The following PARD3B variants were observed in gnomAD, a reference collection of about 807,000 sequenced individuals.
PARD3B encodes partitioning defective 3 homolog B.
Under a neutral mutation model 130.2 loss-of-function variants are expected in PARD3B, and 103 were observed. The ratio of observed to expected loss-of-function variants is 0.79; its 90% CI spans 0.67 to 0.93. The LOEUF (loss-of-function observed/expected upper bound fraction) is 0.93, where lower values mean the gene tolerates loss of function less well. Ranked by LOEUF, PARD3B falls within the 40% of genes least tolerant of loss-of-function variation. The pLI is 0.00. For synonymous variants in PARD3B, 583 were observed against 553.2 expected (o/e 1.05, Z -0.76); for missense variants, 1,609 against 1,499.2 (o/e 1.07, Z -1.21).
At chr2:205,043,291 A>G (rs886753457) in intron 3 of PARD3B, among the ~76,000 whole-genome samples, 2 of 152,168 alleles carry the variant, frequency 1.3e-5, no homozygotes, top group African/African-American at 4.8e-5. Context: ...ATAAATAACA[A>G]GTGCTATTAC....
chr2:204,870,956 T>A (rs904931484), intron 2 of PARD3B, among the ~76,000 whole-genome samples: 1 of 152,182 alleles, frequency 6.6e-6, no homozygotes, highest in African/African-American at 2.4e-5. Flanking sequence ...AAAATATTTT[T>A]AAAACATAAT....
rs189421651 is a variant in PARD3B, at chr2:205,275,868, A to G, written c.2186-24662A>G. Among the ~76,000 whole-genome samples, 203 of 149,896 alleles carry G rather than the reference A, an allele frequency of 1.4e-3. 1 individual carries two copies. Among genetic ancestry groups the G allele is most frequent in the African/African-American group, 4.8e-3 (195 of 40,672 alleles). Reference sequence around the variant, plus strand: ...AAAAAAAAAAAAAAAAAAAAGGTTCAATTAGATGTCCTAATGAGAGAAAAG... The same window carrying G: ...AAAAAAAAAAAAAAAAAAAAGGTTCGATTAGATGTCCTAATGAGAGAAAAG... On this transcript the variant is annotated intron_variant, in intron 16 of 22. Coordinates refer to ENST00000406610, the MANE Select transcript of PARD3B (RefSeq NM_001302769.2).
At chr2:205,583,001 A>G (rs574985384) in intron 22 of PARD3B, among the ~76,000 whole-genome samples, 2 of 152,180 alleles carry the variant, frequency 1.3e-5, no homozygotes, top group Non-Finnish European at 2.9e-5. Flanking sequence ...GGGTGTAAAT[A>G]TATAACCTAA....
At chr2:204,616,640 C>G (rs1208275283) in intron 1 of PARD3B, among the ~76,000 whole-genome samples, 3 of 152,194 alleles carry the variant, frequency 2.0e-5, no homozygotes, top group South Asian at 2.1e-4. Context: ...GAGTTGAAAA[C>G]TTATGTTCAC....
chr2:205,403,995 C>T (rs2046337952), intron 19 of PARD3B, among the ~76,000 whole-genome samples: 1 of 152,144 alleles, frequency 6.6e-6, no homozygotes, highest in African/African-American at 2.4e-5. Flanking sequence ...ACCCCTCATG[C>T]ACACAAAACT....
intron 10 of PARD3B, among the ~76,000 whole-genome samples, chr2:205,132,467 G>A (rs1000796444): frequency 2.6e-5 from 4 of 151,844 alleles, no homozygotes; most frequent in Non-Finnish European, 5.9e-5. Flanking sequence ...TTGAAAGGGA[G>A]GACACTCCTC....
intron 3 of PARD3B, among the ~76,000 whole-genome samples, chr2:205,033,890 C>G (rs780666317): frequency 1.3e-5 from 2 of 152,072 alleles, no homozygotes; most frequent in South Asian, 2.1e-4. Flanking sequence ...CAGTAATTGA[C>G]GAGATTGAGT....
At chr2:205,511,259 T>A (rs1193655267) in intron 21 of PARD3B, among the ~76,000 whole-genome samples, 1 of 152,198 alleles carries the variant, frequency 6.6e-6, no homozygotes, top group African/African-American at 2.4e-5. Flanking sequence ...TGTAATCAAA[T>A]AAGTTACCCA....
At chr2:205,224,781 T>G (rs537090702) in intron 15 of PARD3B, among the ~76,000 whole-genome samples, 1 of 152,064 alleles carries the variant, frequency 6.6e-6, no homozygotes, top group Non-Finnish European at 1.5e-5. Flanking sequence ...GAATAGTACC[T>G]GATTTTTTTT....
chr2:204,896,624 T>G (rs1347051687), intron 2 of PARD3B, among the ~76,000 whole-genome samples: 1 of 152,230 alleles, frequency 6.6e-6, no homozygotes, highest in Non-Finnish European at 1.5e-5. Context: ...TAATAAATGT[T>G]AGCAATTAAA....
chr2:205,343,576 G>A (rs2043626583), intron 18 of PARD3B, among the ~76,000 whole-genome samples: 1 of 152,180 alleles, frequency 6.6e-6, no homozygotes, highest in South Asian at 2.1e-4. Context: ...GCCTCCAATG[G>A]TAACTTTAGG....
Position 204,689,033 on chromosome 2 carries a change from A to C in PARD3B, c.222+2751A>C, listed in dbSNP as rs1371937772. Among the ~76,000 whole-genome samples, 1 of 152,168 alleles carries C rather than the reference A, an allele frequency of 6.6e-6. No individual in the cohort carries two copies. The highest frequency in any genetic ancestry group is 1.5e-5 in the Non-Finnish European group (1 of 68,018). ...AGCATATCAGGCAGGAAAAACAGAA[A>C]CTTAGAAAGCAGGGGAGGCTGGGCC... On this transcript the variant is annotated intron_variant, in intron 2 of 22. Transcript: ENST00000406610. This position sits in a 1 kb window ranked among gnomAD's most constrained non-coding sequence, Gnocchi z 5.2.
intron 1 of PARD3B, among the ~76,000 whole-genome samples, chr2:204,676,370 T>C (rs1559050301): frequency 6.6e-6 from 1 of 152,120 alleles, no homozygotes; most frequent in Non-Finnish European, 1.5e-5. Flanking sequence ...TATGATGTTT[T>C]GTTGAATAGA....
chr2:204,561,318 T>C (rs977374553), intron 1 of PARD3B, among the ~76,000 whole-genome samples: 4 of 152,224 alleles, frequency 2.6e-5, no homozygotes, highest in Admixed American at 2.6e-4. Flanking sequence ...TAAATTGATA[T>C]GGGTGGCTTT....
rs115552906 is a variant in PARD3B, at chr2:204,939,653, T to A, written c.223-25499T>A. ...CTTTTTTGCTTATTCCAAAAGCTGC[T>A]GAAATCTGAGGCAAAGTATATCAAA... On this transcript the variant is annotated intron_variant, in intron 2 of 22. Coordinates refer to ENST00000406610, the MANE Select transcript of PARD3B (RefSeq NM_001302769.2). 6.7e-3 allele frequency among the ~76,000 whole-genome samples: 1,013 copies of A among 152,330 alleles called. 7 individuals carry two copies. The highest frequency in any genetic ancestry group is 0.01 in the Non-Finnish European group (685 of 68,030).
chr2:204,562,452 T>G (rs1165236850), intron 1 of PARD3B, among the ~76,000 whole-genome samples: 1 of 152,220 alleles, frequency 6.6e-6, no homozygotes, highest in Admixed American at 6.5e-5. Context: ...GCCACGTACC[T>G]TATATGTGTA....
chr2:204,668,619 A>AGAAGTAATGTG (rs1388731705), intron 1 of PARD3B, among the ~76,000 whole-genome samples: 1 of 152,166 alleles, frequency 6.6e-6, no homozygotes, highest in Non-Finnish European at 1.5e-5. Context: ...CTTCTAGCAC[A>AGAAGTAATGTG]CTGACTTTTA....
At chr2:204,911,169 G>C (rs2047221977) in intron 2 of PARD3B, among the ~76,000 whole-genome samples, 1 of 152,112 alleles carries the variant, frequency 6.6e-6, no homozygotes, top group Non-Finnish European at 1.5e-5. Flanking sequence ...ATAAATGAAG[G>C]AAAAAATTAA....
Position 205,109,819 on chromosome 2 carries a change from A to G in PARD3B, c.594-3672A>G, listed in dbSNP as rs568433841. ...CAAGTGTGTGCCACCACACCCTGCT[A>G]ATTTTTGTATTTTTAGTAGAGATGG... On this transcript the variant is annotated intron_variant, in intron 5 of 22. Transcript: ENST00000406610. Among the ~76,000 whole-genome samples, 5 of 151,916 alleles carry G rather than the reference A, an allele frequency of 3.3e-5. No individual in the cohort carries two copies. The South Asian group carries it at 1.0e-3, about 32-fold the overall frequency.
Sources: allele counts gnomAD v4.1 joint callset (sites outside exome capture counted in the v4.1 genomes callset), GRCh38; gene constraint gnomAD v4.1.1; non-coding constraint Gnocchi (gnomAD v3.1); transcripts MANE v1.5; gene names NCBI Gene and HGNC (gene_info 2026-07-23, HGNC 2026-07-21).